NFILZ: variants seen among roughly 807,000 people sequenced by gnomAD.
NFILZ encodes the protein NFIL3 like basic leucine zipper, also known as NFIL3 like protein.
chr19:8,655,638 G>C (rs1555748257), intron 3 of NFILZ, among the ~76,000 whole-genome samples: 1 of 152,138 alleles, frequency 6.6e-6, no homozygotes, highest in Non-Finnish European at 1.5e-5. Context: ...GGTGAGGACG[G>C]CATGCTGGGC....
intron 3 of NFILZ, among the ~76,000 whole-genome samples, chr19:8,636,648 G>T (rs979768532): frequency 1.3e-4 from 20 of 151,722 alleles, no homozygotes; most frequent in African/African-American, 4.8e-4. Flanking sequence ...GTAGAGACGG[G>T]GTTTCACCAT....
intron 3 of NFILZ, among the ~76,000 whole-genome samples, chr19:8,645,702 A>C (rs1405743925): frequency 3.3e-5 from 5 of 152,144 alleles, no homozygotes. Flanking sequence ...GAGAAATGGC[A>C]GTGACTGCTT....
intron 3 of NFILZ, among the ~76,000 whole-genome samples, chr19:8,673,926 C>T (rs1035291435): frequency 5.3e-5 from 8 of 152,228 alleles, no homozygotes; most frequent in Middle Eastern, 3.4e-3. Context: ...CTGCAACCTC[C>T]GCCTCCCGGG....
At chr19:8,673,112 T>A (rs1030320302) in intron 3 of NFILZ, among the ~76,000 whole-genome samples, 15 of 151,464 alleles carry the variant, frequency 9.9e-5, no homozygotes, top group Non-Finnish European at 1.9e-4. Context: ...GGAGAAGGAT[T>A]TGAGGGGTGT....
At chr19:8,634,469 A>C (rs562445176) in intron 2 of NFILZ, among the ~76,000 whole-genome samples, 1 of 152,228 alleles carries the variant, frequency 6.6e-6, no homozygotes, top group South Asian at 2.1e-4. Context: ...TTTTTTGTAG[A>C]GATGGGATCT....
chr19:8,666,614 A>T (rs1383951224), intron 3 of NFILZ, among the ~76,000 whole-genome samples: 1 of 152,180 alleles, frequency 6.6e-6, no homozygotes, highest in East Asian at 1.9e-4. Flanking sequence ...TCAGTATCCC[A>T]TGGCCAATAT....
At chr19:8,658,157 C>T (rs782098164) in intron 3 of NFILZ, among the ~76,000 whole-genome samples, 9 of 152,290 alleles carry the variant, frequency 5.9e-5, no homozygotes, top group East Asian at 1.9e-4. Flanking sequence ...AGGAGGCCTG[C>T]GTGCCTGAAA....
chr19:8,663,722 TTGTGTGTG>T (rs879983007), intron 3 of NFILZ, among the ~76,000 whole-genome samples: 6 of 10,798 alleles, frequency 5.6e-4, no homozygotes, highest in African/African-American at 1.9e-3. Context: ...GTGTGTGTGT[TTGTGTGTG>T]TGTGTGTGTG....
Position 8,653,016 on chromosome 19 carries a change from CTT to C in NFILZ, c.-164+17272_-164+17273del, listed in dbSNP as rs1207462712. On this transcript the variant is annotated intron_variant, in intron 3 of 5. Transcript: ENST00000691075. ...CCTTCCTTCCTTCCTTCCTTCCTTT[CTT>C]TCTTTCTTTCTTTCTTTCTTTCTCT... is the stretch of plus-strand genomic sequence containing the variant. Among the ~76,000 whole-genome samples the C allele has an allele frequency of 1.9e-4, 8 of 42,824 alleles. No homozygotes were observed. The East Asian group carries it at 3.5e-3, about 19-fold the overall frequency. The allele number at this position is 42,824 out of a possible 152,430, so 28.1% of individuals were successfully genotyped here.
At chr19:8,672,732 A>G (rs1249796155) in intron 3 of NFILZ, among the ~76,000 whole-genome samples, 4 of 152,226 alleles carry the variant, frequency 2.6e-5, no homozygotes, top group African/African-American at 9.6e-5. Flanking sequence ...TGCATTAAAT[A>G]GTTTATTTTA....
chr19:8,631,584 C>T (rs1332014239), intron 1 of NFILZ, among the ~76,000 whole-genome samples: 2 of 152,136 alleles, frequency 1.3e-5, no homozygotes, highest in Admixed American at 6.5e-5. Flanking sequence ...CCTCTTCCCC[C>T]GAGTCCAGGG....
In NFILZ at chr19:8,677,819, A is replaced by T. The variant is rs2043118250; in HGVS notation, c.*184A>T. ...ACCAGACCTCCTAGGGGTGGAGTGGATGGGAGCCCATCTTGGATTCTACCA... is the reference window on the plus strand; with the variant it reads ...ACCAGACCTCCTAGGGGTGGAGTGGTTGGGAGCCCATCTTGGATTCTACCA... On this transcript the variant is annotated 3_prime_UTR_variant, in exon 6 of 6. Coordinates refer to ENST00000691075, the MANE Select transcript of NFILZ (RefSeq NM_001378600.1). 1.3e-5 allele frequency among the ~76,000 whole-genome samples: 2 copies of T among 152,016 alleles called. No homozygotes were observed. The highest frequency in any genetic ancestry group is 4.1e-4 in the South Asian group (2 of 4,834).
intron 2 of NFILZ, among the ~76,000 whole-genome samples, chr19:8,634,894 C>A (rs947458305): frequency 3.9e-4 from 13 of 33,728 alleles, no homozygotes; most frequent in Admixed American, 2.7e-3. Flanking sequence ...AACAAACAAA[C>A]AAACAAACAA....
At position 8,678,087 on chromosome 19, in the gene NFILZ, T is replaced by C. The variant is rs1555750954; in HGVS notation, c.*452T>C. Among the ~76,000 whole-genome samples the C allele has an allele frequency of 1.4e-3, 7 of 5,146 alleles. No homozygotes were observed. The highest frequency in any genetic ancestry group is 1.8e-3 in the Admixed American group (1 of 560). The allele number at this position is 5,146 out of a possible 152,430, so 3.4% of individuals were successfully genotyped here. A position where few individuals can be genotyped will look rare whatever the true frequency, so the allele number is the denominator to read the frequency against. On this transcript the variant is annotated 3_prime_UTR_variant, in exon 6 of 6. Coordinates refer to ENST00000691075, the MANE Select transcript of NFILZ (RefSeq NM_001378600.1). The stretch of plus-strand genomic sequence containing the variant: ...ATTCATCCATCCATCAATCCATCCA[T>C]CCATTCCATCCATCCATCCATCCAT...
At chr19:8,661,144 T>C (rs1555749089) in intron 3 of NFILZ, among the ~76,000 whole-genome samples, 1 of 137,256 alleles carries the variant, frequency 7.3e-6, no homozygotes, top group Non-Finnish European at 1.6e-5. Context: ...TCTTCCTTTT[T>C]CCCTTCCCTT....
rs56907694 is a variant in NFILZ at position 8,663,746 on chromosome 19, G to A, written c.-163-10805G>A. 1.0e-3 allele frequency among the ~76,000 whole-genome samples: 54 copies of A among 51,970 alleles called. 1 individual carries two copies. Among genetic ancestry groups the A allele is most frequent in the South Asian group, 2.4e-3 (4 of 1,636 alleles). The allele number at this position is 51,970 out of a possible 152,430, so 34.1% of individuals were successfully genotyped here. A position where few individuals can be genotyped will look rare whatever the true frequency, so the allele number is the denominator to read the frequency against. On this transcript the variant is annotated intron_variant, in intron 3 of 5. Coordinates refer to ENST00000691075, the MANE Select transcript of NFILZ (RefSeq NM_001378600.1). ...TTTGTGTGTGTGTGTGTGTGTGTGT[G>A]TGTGTGTGTGTGTGTGTGTGTGTGT...
intron 3 of NFILZ, among the ~76,000 whole-genome samples, chr19:8,640,801 C>T (rs1321310461): frequency 2.0e-5 from 3 of 152,200 alleles, no homozygotes; most frequent in Non-Finnish European, 4.4e-5. Context: ...GTTACAGCAA[C>T]AGCACCTTGC....
intron 3 of NFILZ, among the ~76,000 whole-genome samples, chr19:8,637,438 C>A (rs2042899567): frequency 6.6e-6 from 1 of 151,952 alleles, no homozygotes; most frequent in South Asian, 2.1e-4. Context: ...CATGGTGAAG[C>A]CCCTTCTCTA....
intron 1 of NFILZ, among the ~76,000 whole-genome samples, chr19:8,631,854 G>A (rs1387813085): frequency 6.7e-6 from 1 of 149,112 alleles, no homozygotes; most frequent in East Asian, 1.9e-4. Context: ...GTGTGTGTGT[G>A]TGTGTGTGTG....
Sources: gnomAD v4.1 joint callset for allele counts (sites outside exome capture counted in the v4.1 genomes callset) on GRCh38, gnomAD v4.1.1 for gene constraint, MANE v1.5 for transcripts, NCBI Gene and HGNC (gene_info 2026-07-23, HGNC 2026-07-21) for gene names.